The following NLK variants were observed in gnomAD, a reference collection of about 807,000 sequenced individuals.
The protein encoded by NLK is nemo like kinase, also known as serine/threonine-protein kinase NLK.
A neutral mutation model predicts 59.0 loss-of-function variants in NLK; 11 were observed. That is an observed-to-expected ratio of 0.19 (90% CI 0.12 to 0.31). NLK has a LOEUF of 0.31. Among genes scored for constraint, NLK ranks in the 10% least tolerant of loss-of-function variants. The pLI is 1.00. For missense variants in NLK, 410 were observed against 661.1 expected (o/e 0.62, Z 4.16); for synonymous variants, 235 against 235.9 (o/e 1.00, Z 0.03).
intron 1 of NLK, among the ~76,000 whole-genome samples, chr17:28,054,686 G>GA (rs763592466): frequency 2.6e-5 from 4 of 152,136 alleles, no homozygotes; most frequent in Non-Finnish European, 5.9e-5. Flanking sequence ...TCAGTTTAAA[G>GA]AAAAATAATT....
chr17:28,103,187 A>G (rs868531598), intron 1 of NLK, among the ~76,000 whole-genome samples: 23 of 151,976 alleles, frequency 1.5e-4, no homozygotes, highest in Admixed American at 3.9e-4. Flanking sequence ...GTTTCTTGCA[A>G]CTTTGTATAG....
chr17:28,182,107 A>G (rs1044016057), intron 7 of NLK, among the ~76,000 whole-genome samples: 2 of 152,226 alleles, frequency 1.3e-5, no homozygotes, highest in African/African-American at 4.8e-5. Context: ...TAAAGATACC[A>G]AGGTTAAGAC....
intron 4 of NLK, among the ~76,000 whole-genome samples, chr17:28,163,306 A>G (rs1317386336): frequency 6.6e-6 from 1 of 152,242 alleles, no homozygotes; most frequent in Admixed American, 6.5e-5. Flanking sequence ...TTAAACCTAC[A>G]TAATTGTTTA....
Position 28,174,235 on chromosome 17 carries a change from A to T in NLK, c.1149+1617A>T, listed in dbSNP as rs1214808208. Among the ~76,000 whole-genome samples the T allele has an allele frequency of 2.6e-5, 4 of 152,248 alleles. No homozygotes were observed. The East Asian group carries it at 7.7e-4, about 29-fold the overall frequency. Reference sequence around the variant, plus strand: ...AAAGGGTAAATATATTATTTTGTAAAGCAAAAGAAGAGGAAAGGAAAATCC... The same window carrying T: ...AAAGGGTAAATATATTATTTTGTAATGCAAAAGAAGAGGAAAGGAAAATCC... On this transcript the variant is annotated intron_variant, in intron 7 of 10. Coordinates refer to ENST00000407008, the MANE Select transcript of NLK (RefSeq NM_016231.5).
chr17:28,078,494 G>A (rs993950211), intron 1 of NLK, among the ~76,000 whole-genome samples: 4 of 152,162 alleles, frequency 2.6e-5, no homozygotes, highest in African/African-American at 9.7e-5. Flanking sequence ...AATTGTTGAA[G>A]ACTTTGTCGG....
At chr17:28,066,352 A>G (rs146973954) in intron 1 of NLK, among the ~76,000 whole-genome samples, 3 of 152,332 alleles carry the variant, frequency 2.0e-5, no homozygotes, top group African/African-American at 7.2e-5. Flanking sequence ...ACCATATACC[A>G]TACAGCCCAA....
At chr17:28,202,543 T>C in the NLK span, among the ~76,000 whole-genome samples, 14 of 152,130 alleles carry the variant, frequency 9.2e-5, no homozygotes, top group African/African-American at 3.4e-4. Context: ...TATTGATCTG[T>C]AGTTTTTTTC....
intron 1 of NLK, among the ~76,000 whole-genome samples, chr17:28,111,886 GTGTGTGTGTGGTGTGT>G (rs1179536402): frequency 3.5e-4 from 45 of 127,620 alleles, no homozygotes; most frequent in African/African-American, 1.3e-3. Context: ...GTGTGTGTGT[GTGTGTGTGTGGTGTGT>G]GTGTGTGTGT....
At chr17:28,178,893 A>G (rs1444995152) in intron 7 of NLK, among the ~76,000 whole-genome samples, 1 of 152,204 alleles carries the variant, frequency 6.6e-6, no homozygotes, top group Non-Finnish European at 1.5e-5. Context: ...GAAAACTAAT[A>G]GGAACGTCTG....
At chr17:28,095,421 T>G (rs1280517599) in intron 1 of NLK, among the ~76,000 whole-genome samples, 1 of 152,162 alleles carries the variant, frequency 6.6e-6, no homozygotes, top group East Asian at 1.9e-4. Context: ...TTGTATTACT[T>G]TCTAAAAAAA....
At chr17:28,090,951 C>G (rs2142777400) in intron 1 of NLK, among the ~76,000 whole-genome samples, 1 of 152,046 alleles carries the variant, frequency 6.6e-6, no homozygotes, top group East Asian at 1.9e-4. Flanking sequence ...ATGTAATTTT[C>G]TTCATGTTTC....
intron 3 of NLK, among the ~76,000 whole-genome samples, chr17:28,137,914 G>A (rs1453404715): frequency 1.3e-5 from 2 of 151,894 alleles, no homozygotes; most frequent in Non-Finnish European, 2.9e-5. Flanking sequence ...ATCTATCTAG[G>A]AAATATATTA....
At chr17:28,058,168 TAAGG>T (rs927248431) in intron 1 of NLK, among the ~76,000 whole-genome samples, 1 of 152,192 alleles carries the variant, frequency 6.6e-6, no homozygotes, top group African/African-American at 2.4e-5. Flanking sequence ...TTGTGACAGT[TAAGG>T]AAGTACATAG....
intron 1 of NLK, chr17:28,048,037 A>T (rs1378244141): frequency 7.5e-6 from 3 of 398,094 alleles, no homozygotes; most frequent in Admixed American, 8.8e-5. Flanking sequence ...CCTGCACCAT[A>T]AAAAGGAAAC....
Position 28,196,231 on chromosome 17 carries a change from C to T in NLK, c.*1595C>T, listed in dbSNP as rs1909480540. The T allele has an allele frequency of 2.0e-5, 3 of 152,174 alleles. No homozygotes were observed. The highest frequency in any genetic ancestry group is 6.6e-5 in the Admixed American group (1 of 15,200). 9.4% of individuals were successfully genotyped at this position (152,174 alleles called of 1,614,324 possible). On this transcript the variant is annotated 3_prime_UTR_variant, in exon 11 of 11. Coordinates refer to ENST00000407008, the MANE Select transcript of NLK (RefSeq NM_016231.5). The stretch of plus-strand genomic sequence containing the variant: ...CATTTCAATTCACTTGAATGAGAAA[C>T]GTGTTTAGTATCAAAAGAGCCCAAG...
intron 3 of NLK, among the ~76,000 whole-genome samples, chr17:28,149,301 C>CA (rs1345129682): frequency 2.6e-5 from 4 of 151,920 alleles, no homozygotes; most frequent in African/African-American, 9.7e-5. Context: ...TGGCCGTAAG[C>CA]AATCTTCCTG....
chr17:28,118,544 C>T (rs1905880909), intron 1 of NLK, among the ~76,000 whole-genome samples: 1 of 152,080 alleles, frequency 6.6e-6, no homozygotes, highest in Non-Finnish European at 1.5e-5. Context: ...AAAGTATTCC[C>T]AATAATAAGT....
chr17:28,151,924 A>G (rs1482889104), intron 3 of NLK, among the ~76,000 whole-genome samples: 1 of 152,218 alleles, frequency 6.6e-6, no homozygotes, highest in African/African-American at 2.4e-5. Context: ...GTACGTGTGT[A>G]TGTGGTCTTA....
At chr17:28,132,250 C>G (rs1299249951) in intron 2 of NLK, among the ~76,000 whole-genome samples, 3 of 152,170 alleles carry the variant, frequency 2.0e-5, no homozygotes, top group Non-Finnish European at 2.9e-5. Flanking sequence ...AGGTAGAATG[C>G]ACATAGTAAA....
Sources: gnomAD v4.1 joint callset for allele counts (sites outside exome capture counted in the v4.1 genomes callset) on GRCh38, gnomAD v4.1.1 for gene constraint, MANE v1.5 for transcripts, NCBI Gene and HGNC (gene_info 2026-07-23, HGNC 2026-07-21) for gene names.